GLI2: variants seen among roughly 807,000 people sequenced by gnomAD.
GLI2 encodes the protein GLI family zinc finger 2.
In GLI2, 22 loss-of-function variants were observed where a neutral mutation model predicts 78.9. That is an observed-to-expected ratio of 0.28 (90% CI 0.20 to 0.40). The LOEUF (loss-of-function observed/expected upper bound fraction) is 0.40. Ranked by LOEUF, GLI2 falls within the 10% of genes least tolerant of loss-of-function variation. The pLI is 1.00. For synonymous variants in GLI2, 974 were observed against 963.7 expected (o/e 1.01, Z -0.20); for missense variants, 2,097 against 2,213.2 (o/e 0.95, Z 1.05).
intron 2 of GLI2, among the ~76,000 whole-genome samples, chr2:120,835,939 G>A (rs1686590955): frequency 6.6e-6 from 1 of 152,144 alleles, no homozygotes; most frequent in Non-Finnish European, 1.5e-5. Flanking sequence ...ATGTCAAGGT[G>A]GGGGATGTTC....
intron 3 of GLI2, among the ~76,000 whole-genome samples, chr2:120,944,261 C>T (rs1262905832): frequency 2.0e-5 from 3 of 152,218 alleles, no homozygotes; most frequent in Non-Finnish European, 4.4e-5. Flanking sequence ...GTCTGCTGCA[C>T]TCTCTGAGCT....
chr2:120,802,779 T>G (rs927259131), intron 2 of GLI2, among the ~76,000 whole-genome samples: 3 of 152,220 alleles, frequency 2.0e-5, no homozygotes, highest in African/African-American at 7.2e-5. Context: ...CATCCTGGGA[T>G]GTACCTGCAA....
chr2:120,859,408 G>A (rs1393496996), intron 2 of GLI2, among the ~76,000 whole-genome samples: 1 of 151,164 alleles, frequency 6.6e-6, no homozygotes, highest in Admixed American at 6.6e-5. Context: ...GCTGTGTTGA[G>A]TGAATGCAGC....
intron 1 of GLI2, among the ~76,000 whole-genome samples, chr2:120,751,227 G>A (rs574931945): frequency 9.2e-5 from 14 of 152,260 alleles, no homozygotes; most frequent in African/African-American, 3.4e-4. Flanking sequence ...GATCATGATG[G>A]CCCAAATACT....
intron 4 of GLI2, 122 bp from the exon 5 acceptor site, chr2:120,955,123 C>T (rs577745517): frequency 5.6e-6 from 4 of 714,920 alleles, no homozygotes; most frequent in East Asian, 2.7e-5. Context: ...AGGAGAGAAA[C>T]CCCGACACCA....
intron 2 of GLI2, among the ~76,000 whole-genome samples, chr2:120,880,156 C>T (rs59603124): frequency 0.013 from 1,902 of 152,096 alleles, 43 homozygotes; most frequent in African/African-American, 0.042. Flanking sequence ...CTTAAAGGAC[C>T]CTGGAGTGTG....
At chr2:120,903,712 C>T (rs1678376830) in intron 2 of GLI2, among the ~76,000 whole-genome samples, 1 of 152,152 alleles carries the variant, frequency 6.6e-6, no homozygotes, top group Admixed American at 6.5e-5. Flanking sequence ...GCAGGGTGAC[C>T]TACACAACAC....
chr2:120,865,130 A>C lies in GLI2; in HGVS notation c.149-62231A>C, dbSNP rs1174038586. 2.6e-5 allele frequency among the ~76,000 whole-genome samples: 4 copies of C among 151,978 alleles called. No homozygotes were observed. The East Asian group carries it at 5.8e-4, about 22-fold the overall frequency. ...CTATGGGTAGTATCCGGGGCTGGGG[A>C]GCCCGAGCCAGGAGGGCTGACTAAA... is the stretch of plus-strand genomic sequence containing the variant. On this transcript the variant is annotated intron_variant, in intron 2 of 13. Transcript: ENST00000361492.
chr2:120,868,606 A>G (rs559926690), intron 2 of GLI2, among the ~76,000 whole-genome samples: 1 of 152,244 alleles, frequency 6.6e-6, no homozygotes, highest in African/African-American at 2.4e-5. Context: ...TCCCTTTGCC[A>G]TTCAGAAACA....
chr2:120,967,583 C>T (rs1298397793), intron 5 of GLI2, among the ~76,000 whole-genome samples: 1 of 152,228 alleles, frequency 6.6e-6, no homozygotes, highest in Non-Finnish European at 1.5e-5. Context: ...TTCCCTTCCA[C>T]AGTTATGTAG....
At chr2:120,961,314 A>G (rs1214480090) in intron 5 of GLI2, among the ~76,000 whole-genome samples, 3 of 152,228 alleles carry the variant, frequency 2.0e-5, no homozygotes, top group Non-Finnish European at 4.4e-5. Context: ...AGAGGCAGGA[A>G]GAGCTGGTAG....
chr2:120,956,768 C>T (rs1424629578), intron 5 of GLI2, among the ~76,000 whole-genome samples: 2 of 152,044 alleles, frequency 1.3e-5, no homozygotes, highest in East Asian at 1.9e-4. Flanking sequence ...CCTGCAGGGC[C>T]GTGCAGCCTG....
intron 2 of GLI2, among the ~76,000 whole-genome samples, chr2:120,902,194 C>A (rs1185094601): frequency 8.2e-5 from 12 of 146,520 alleles, no homozygotes; most frequent in African/African-American, 2.8e-4. Flanking sequence ...CACCCCCCCC[C>A]ACCCCCAACC....
At chr2:120,820,950 G>T (rs1417495574) in intron 2 of GLI2, among the ~76,000 whole-genome samples, 1 of 152,102 alleles carries the variant, frequency 6.6e-6, no homozygotes, top group Non-Finnish European at 1.5e-5. Flanking sequence ...GAGGCGTTTC[G>T]AAGGGCTTGC....
chr2:120,905,723 G>A (rs998720393), intron 2 of GLI2, among the ~76,000 whole-genome samples: 1 of 152,224 alleles, frequency 6.6e-6, no homozygotes, highest in African/African-American at 2.4e-5. Flanking sequence ...AGGAACGAAC[G>A]TTCTCCAGGA....
In GLI2 at chr2:120,848,191, C is replaced by T. The variant is rs117980591; in HGVS notation, c.148+50723C>T. ...CTTCTGAACTTGAGAAGGAAGCTCC[C>T]GGGATGGGCCTGACTCCGCCGCCTG... On this transcript the variant is annotated intron_variant, in intron 2 of 13. Coordinates refer to ENST00000361492, the MANE Select transcript of GLI2 (RefSeq NM_001374353.1). Among the ~76,000 whole-genome samples the T allele has an allele frequency of 1.8e-3, 270 of 152,314 alleles. 12 individuals are homozygous for T. The East Asian group carries it at 0.048, about 27-fold the overall frequency.
chr2:120,743,316 T>C (rs2104623526), intron 1 of GLI2, among the ~76,000 whole-genome samples: 1 of 152,280 alleles, frequency 6.6e-6, no homozygotes, highest in Admixed American at 6.5e-5. Context: ...TTGTCCTTTG[T>C]CCTTTGCTAG....
chr2:120,968,434 G>A (rs1326480488), intron 5 of GLI2, among the ~76,000 whole-genome samples: 1 of 152,156 alleles, frequency 6.6e-6, no homozygotes, highest in Non-Finnish European at 1.5e-5. Flanking sequence ...TGCACCCAGT[G>A]GTAAATACAC....
At chr2:120,933,633 G>A (rs898879953) in intron 3 of GLI2, among the ~76,000 whole-genome samples, 2 of 152,206 alleles carry the variant, frequency 1.3e-5, no homozygotes, top group Admixed American at 6.5e-5. Flanking sequence ...AGGGTGTCAT[G>A]GGGAGCAAGG....
Sources: allele counts gnomAD v4.1 joint callset (sites outside exome capture counted in the v4.1 genomes callset), GRCh38; gene constraint gnomAD v4.1.1; transcripts MANE v1.5; gene names NCBI Gene and HGNC (gene_info 2026-07-23, HGNC 2026-07-21).